KCNH1: variants seen among roughly 807,000 people sequenced by gnomAD.
KCNH1 encodes voltage-gated delayed rectifier potassium channel KCNH1.
KCNH1 carries 27 observed loss-of-function variants against 69.2 expected under a neutral mutation model. The ratio of observed to expected loss-of-function variants is 0.39; its 90% confidence interval spans 0.29 to 0.54. KCNH1 has a LOEUF of 0.54. Among genes scored for constraint, KCNH1 ranks in the 20% least tolerant of loss-of-function variants. The probability of loss-of-function intolerance (pLI) is 0.68; values close to 1 mark genes in which losing one functional copy is unlikely to be tolerated. For synonymous variants in KCNH1, 456 were observed against 487.7 expected (o/e 0.93, Z 0.86); for missense variants, 798 against 1,261.6 (o/e 0.63, Z 5.57).
At chr1:210,849,024 A>C (rs1574294340) in intron 7 of KCNH1, among the ~76,000 whole-genome samples, 1 of 152,228 alleles carries the variant, frequency 6.6e-6, no homozygotes, top group Non-Finnish European at 1.5e-5. Context: ...TAAGTAGTAC[A>C]CTAAAAGGCA....
chr1:211,106,948 C>T (rs1015838862), intron 2 of KCNH1, among the ~76,000 whole-genome samples: 4 of 152,168 alleles, frequency 2.6e-5, no homozygotes, highest in African/African-American at 9.7e-5. Flanking sequence ...CTAACTTTCA[C>T]ATTTAATTTA....
chr1:210,847,218 T>C (rs376606991), intron 7 of KCNH1, among the ~76,000 whole-genome samples: 5 of 152,148 alleles, frequency 3.3e-5, no homozygotes, highest in Admixed American at 2.6e-4. Context: ...GACCCAGCCA[T>C]CCCATTACTG....
At chr1:210,775,854 C>T (rs976343722) in intron 9 of KCNH1, among the ~76,000 whole-genome samples, 8 of 152,182 alleles carry the variant, frequency 5.3e-5, no homozygotes, top group Admixed American at 4.6e-4. Flanking sequence ...CTTTATCACA[C>T]CCCCTTTTTC....
At chr1:211,002,547 G>C (rs759891424) in intron 6 of KCNH1, among the ~76,000 whole-genome samples, 1 of 151,948 alleles carries the variant, frequency 6.6e-6, no homozygotes, top group Non-Finnish European at 1.5e-5. Flanking sequence ...GTTATTGAAT[G>C]TAGACATTAA....
chr1:211,002,698 T>C (rs1689211517), intron 6 of KCNH1, among the ~76,000 whole-genome samples: 1 of 151,864 alleles, frequency 6.6e-6, no homozygotes, highest in South Asian at 2.1e-4. Flanking sequence ...ACTGGATGAG[T>C]TTAGAAGTAA....
intron 6 of KCNH1, among the ~76,000 whole-genome samples, chr1:210,988,660 C>A (rs1166390061): frequency 1.3e-5 from 2 of 152,092 alleles, no homozygotes; most frequent in African/African-American, 4.8e-5. Flanking sequence ...ACTTGGGGAA[C>A]CAGAATTGGA....
intron 7 of KCNH1, among the ~76,000 whole-genome samples, chr1:210,828,224 G>A (rs1685074505): frequency 6.6e-6 from 1 of 152,146 alleles, no homozygotes; most frequent in Non-Finnish European, 1.5e-5. Context: ...AAATGTTCAT[G>A]ACGATGGGAG....
intron 7 of KCNH1, among the ~76,000 whole-genome samples, chr1:210,829,279 T>TCCCTC (rs544322827): frequency 1.3e-5 from 2 of 152,118 alleles, no homozygotes; most frequent in South Asian, 4.2e-4. Context: ...CTGGGCTCTT[T>TCCCTC]CCCTCCCTGT....
intron 6 of KCNH1, among the ~76,000 whole-genome samples, chr1:210,960,678 G>T (rs1222555571): frequency 6.6e-6 from 1 of 152,054 alleles, no homozygotes. Flanking sequence ...AGGATGTTTG[G>T]ATTTTTCCCT....
chr1:210,844,676 G>T (rs1304589614), intron 7 of KCNH1, among the ~76,000 whole-genome samples: 1 of 152,088 alleles, frequency 6.6e-6, no homozygotes, highest in Non-Finnish European at 1.5e-5. Context: ...AACTAGAAAA[G>T]CAAGAGCAAA....
intron 7 of KCNH1, among the ~76,000 whole-genome samples, chr1:210,848,542 C>G (rs1202870150): frequency 6.6e-6 from 1 of 152,132 alleles, no homozygotes; most frequent in East Asian, 1.9e-4. Flanking sequence ...ATGATAAGCC[C>G]TATAACTAAA....
chr1:211,105,752 A>T (rs1691337971), intron 2 of KCNH1, among the ~76,000 whole-genome samples: 1 of 152,246 alleles, frequency 6.6e-6, no homozygotes, highest in South Asian at 2.1e-4. Flanking sequence ...TGTTCTGATT[A>T]TATATGTGCA....
chr1:210,785,867 C>T (rs1235146778), intron 9 of KCNH1, among the ~76,000 whole-genome samples: 1 of 152,090 alleles, frequency 6.6e-6, no homozygotes, highest in African/African-American at 2.4e-5. Flanking sequence ...ATGGAGCAGA[C>T]CCGCATAGGA....
rs79150064 is a variant in KCNH1, at chr1:210,894,830, C to A, written c.1462+24810G>T. On this transcript the variant is annotated intron_variant, in intron 7 of 10. Coordinates refer to ENST00000271751, the MANE Select transcript of KCNH1 (RefSeq NM_172362.3). The stretch of plus-strand genomic sequence containing the variant: ...TGGGCTTCCCAGCTTTCTGGAGGAA[C>A]CATGAGCTAAATAAACTCTTTTCTT... Among the ~76,000 whole-genome samples the A allele has an allele frequency of 2.2e-3, 331 of 152,298 alleles. 3 individuals carry two copies. Among genetic ancestry groups the A allele is most frequent in the African/African-American group, 7.7e-3 (322 of 41,568 alleles).
intron 9 of KCNH1, among the ~76,000 whole-genome samples, chr1:210,790,498 C>G (rs1203694321): frequency 6.6e-6 from 1 of 152,182 alleles, no homozygotes; most frequent in African/African-American, 2.4e-5. Context: ...CTTTCCCTCC[C>G]AACTACAGTT....
At chr1:210,962,879 T>A (rs1271344975) in intron 6 of KCNH1, among the ~76,000 whole-genome samples, 1 of 149,682 alleles carries the variant, frequency 6.7e-6, no homozygotes, top group Admixed American at 6.8e-5. Flanking sequence ...CAGTATCTAG[T>A]TGCAGTCTTA....
intron 1 of KCNH1, among the ~76,000 whole-genome samples, chr1:211,128,145 C>T (rs565109457): frequency 2.0e-5 from 3 of 152,000 alleles, no homozygotes; most frequent in Non-Finnish European, 4.4e-5. Context: ...AAAAATTAGC[C>T]AGGCATGGTG....
intron 7 of KCNH1, among the ~76,000 whole-genome samples, chr1:210,883,743 G>T (rs1252418700): frequency 6.6e-6 from 1 of 152,210 alleles, no homozygotes; most frequent in Non-Finnish European, 1.5e-5. Context: ...TTGTGGTATT[G>T]TCTTGGACAG....
intron 7 of KCNH1, among the ~76,000 whole-genome samples, chr1:210,834,664 C>T (rs1159156632): frequency 1.4e-5 from 2 of 143,610 alleles, no homozygotes; most frequent in Non-Finnish European, 3.0e-5. Context: ...TGCACATGTA[C>T]CCTAAAACTT....
Sources: gnomAD v4.1 joint callset for allele counts (sites outside exome capture counted in the v4.1 genomes callset) on GRCh38, gnomAD v4.1.1 for gene constraint, MANE v1.5 for transcripts, NCBI Gene and HGNC (gene_info 2026-07-23, HGNC 2026-07-21) for gene names.